PNN: variants seen among roughly 807,000 people sequenced by gnomAD.
The protein encoded by PNN is pinin, desmosome associated protein, also known as pinin.
A neutral mutation model predicts 76.6 loss-of-function variants in PNN; 38 were observed. That is an observed-to-expected ratio of 0.50 (90% CI 0.38 to 0.65). The LOEUF (loss-of-function observed/expected upper bound fraction) is 0.65. Among genes scored for constraint, PNN ranks in the 30% least tolerant of loss-of-function variants. The pLI is 0.00. For synonymous variants in PNN, 366 were observed against 283.7 expected (o/e 1.29, Z -2.91); for missense variants, 873 against 874.1 (o/e 1.00, Z 0.02).
intron 6 of PNN, among the ~76,000 whole-genome samples, 167 bp downstream of exon 6, chr14:39,178,083 A>G (rs1374663982): frequency 6.6e-6 from 1 of 152,118 alleles, no homozygotes; most frequent in African/African-American, 2.4e-5. Flanking sequence ...TTACTTAAAC[A>G]TTGTGTTGGA....
rs1250471030 is a variant in PNN, at chr14:39,181,786, G to A, written c.2077G>A (p.Glu693Lys). The change falls in exon 9 of 9, where the codon GAG (glutamate) becomes AAG (lysine). Residue 693 changes from glutamate (E) to lysine (K), a missense_variant. This residue lies in a region of PNN where 712 missense variants were observed against 693.1 expected (regional missense o/e 1.03). Coordinates refer to ENST00000216832, the MANE Select transcript of PNN (RefSeq NM_002687.4). Reference protein sequence around the residue: ...SRSDRKRSISESSRSGKRSSR... With the variant: ...SRSDRKRSISKSSRSGKRSSR... ...GTCCGACAGAAAGAGGTCTATATCA[G>A]AGAGTAGTCGATCAGGCAAAAGATC... 4.3e-6 allele frequency: 7 copies of A among 1,613,616 alleles called. No homozygotes were observed. The highest frequency in any genetic ancestry group is 5.9e-6 in the Non-Finnish European group (7 of 1,179,912).
intron 5 of PNN, 67 bp from the exon 6 acceptor site, chr14:39,177,774 T>G (rs770063132): frequency 2.3e-5 from 33 of 1,465,450 alleles, no homozygotes; most frequent in Non-Finnish European, 2.8e-5. Context: ...GTAGTATTTC[T>G]TAGAAAATGA....
At position 39,182,060 on chromosome 14, in the gene PNN, T is replaced by C. The variant is rs1380860689; in HGVS notation, c.*197T>C. Reference sequence around the variant, plus strand: ...TTTTGTAAGAGTTATTTATCAAAATTATGTGAGGTTCCAAAATATGTAAAA... The same window carrying C: ...TTTTGTAAGAGTTATTTATCAAAATCATGTGAGGTTCCAAAATATGTAAAA... On this transcript the variant is annotated 3_prime_UTR_variant, in exon 9 of 9. Transcript: ENST00000216832. 6.1e-6 allele frequency: 3 copies of C among 489,930 alleles called. No individual in the cohort carries two copies. The highest frequency in any genetic ancestry group is 6.9e-5 in the East Asian group (2 of 29,190). 30.3% of individuals were successfully genotyped at this position (489,930 alleles called of 1,614,324 possible).
chr14:39,178,733 A>G (rs1322339927), intron 6 of PNN, among the ~76,000 whole-genome samples: 3 of 150,582 alleles, frequency 2.0e-5, no homozygotes, highest in African/African-American at 7.4e-5. Context: ...TGAAAAAAAA[A>G]AAAAAAAAAA....
rs1490167325 is a variant in PNN, at chr14:39,181,111, C to A, written c.1402C>A (p.Pro468Thr). The change falls in exon 9 of 9, where the codon CCC becomes ACC. Residue 468 changes from proline (P) to threonine (T), a missense_variant. Pro to Thr is a conservative substitution (Grantham distance 38). Transcript: ENST00000216832. ...SEEKEEKESE[P>T]QPEPVAQPQP... is the part of the protein sequence containing the mutation. ...GGAAAAAGAAGAAAAAGAATCTGAG[C>A]CCCAACCTGAGCCTGTGGCTCAACC... 1 of 1,613,170 alleles carries A rather than the reference C, an allele frequency of 6.2e-7. No homozygotes were observed. The highest frequency in any genetic ancestry group is 2.2e-5 in the East Asian group (1 of 44,888).
intron 6 of PNN, among the ~76,000 whole-genome samples, 160 bp downstream of exon 6, chr14:39,178,076 C>G (rs939699340): frequency 6.6e-6 from 1 of 151,868 alleles, no homozygotes; most frequent in African/African-American, 2.4e-5. Context: ...AACAGCTTTA[C>G]TTAAACATTG....
Position 39,179,079 on chromosome 14 carries a change from CT to C in PNN, c.499-10del. ...AACACGTAAGTATTAAAGCAGGCTA[CT>C]TAACTTTTAGCAAAAGCGGCGCCAG... On this transcript the variant is annotated splice_polypyrimidine_tract_variant and intron_variant, in intron 6 of 8. Transcript: ENST00000216832. 1.9e-6 allele frequency: 3 copies of C among 1,607,876 alleles called. No individual in the cohort carries two copies. The highest frequency in any genetic ancestry group is 2.5e-6 in the Non-Finnish European group (3 of 1,178,386).
rs779868628 is a variant in PNN, at chr14:39,181,638, T to G, written c.1929T>G (p.Asp643Glu). 4.3e-6 allele frequency: 7 copies of G among 1,613,596 alleles called. No homozygotes were observed. The highest frequency in any genetic ancestry group is 3.3e-5 in the South Asian group (3 of 91,060). ...GTAGGGGCCGGGGACATAATAGAGATAGAAAGCACAGAAGGAGCGTGGATC... is the reference window on the plus strand; with the variant it reads ...GTAGGGGCCGGGGACATAATAGAGAGAGAAAGCACAGAAGGAGCGTGGATC... The part of the protein sequence containing the change: ...SRSRGRGHNR[D>E]RKHRRSVDRK... Residue 643 changes from aspartate to glutamate, a missense_variant, in exon 9 of 9, where the codon GAT becomes GAG. Asp to Glu is a conservative substitution (Grantham distance 45). Around this residue, in one of 3 missense-constraint regions of PNN, gnomAD observed 712 missense variants for 693.1 expected, o/e 1.03. Transcript: ENST00000216832.
At position 39,181,011 on chromosome 14, in the gene PNN, G is replaced by A; in HGVS notation, c.1302G>A (p.Glu434=). 2 of 1,612,906 alleles carry A rather than the reference G, an allele frequency of 1.2e-6. No homozygotes were observed. Among genetic ancestry groups the A allele is most frequent in the Non-Finnish European group, 1.7e-6 (2 of 1,179,214 alleles). Residue 434 remains glutamate (E), a synonymous_variant, in exon 9 of 9, where the codon GAG becomes GAA. Transcript: ENST00000216832. ...AACCAGAAATGGAATTTGAAATTGA[G>A]CCAGATAAAGAATGTAAAACCCTTT... The part of the protein sequence containing the change: ...ELEPEMEFEI[E]PDKECKTLSP...
chr14:39,182,999 T>A lies in PNN; in HGVS notation c.*1136T>A, dbSNP rs936408685. The stretch of plus-strand genomic sequence containing the variant: ...TCTGATGCTTTATACAAGAGAGCAC[T>A]TAAATTGCATCCTTCTTTGAGTTTA... On this transcript the variant is annotated 3_prime_UTR_variant, in exon 9 of 9. Coordinates refer to ENST00000216832, the MANE Select transcript of PNN (RefSeq NM_002687.4). 1 of 152,660 alleles carries A rather than the reference T, an allele frequency of 6.6e-6. No homozygotes were observed. The highest frequency in any genetic ancestry group is 1.5e-5 in the Non-Finnish European group (1 of 68,034). 9.5% of individuals were successfully genotyped at this position (152,660 alleles called of 1,614,324 possible).
rs1477009813 is a variant in PNN, at chr14:39,182,157, C to A, written c.*294C>A. 1.3e-5 allele frequency: 3 copies of A among 224,010 alleles called. No homozygotes were observed. The highest frequency in any genetic ancestry group is 9.4e-5 in the South Asian group (1 of 10,692). 13.9% of individuals were successfully genotyped at this position (224,010 alleles called of 1,614,324 possible). On this transcript the variant is annotated 3_prime_UTR_variant, in exon 9 of 9. Transcript: ENST00000216832. ...ATATCCTATACTCTTCAGTAAGAAT[C>A]TGTATATTTTAATAGGCAAATCTTT... is the stretch of plus-strand genomic sequence containing the variant.
rs975473411 is a variant in PNN at position 39,175,337 on chromosome 14, A to C, written c.58A>C (p.Lys20Gln). 6 of 1,613,004 alleles carry C rather than the reference A, an allele frequency of 3.7e-6. No individual in the cohort carries two copies. The Admixed American group carries it at 8.3e-5, about 22-fold the overall frequency. ...EQLEKAKESL[K>Q]NVDENIRKLT... ...GCTGGAAAAGGCCAAAGAGAGTCTT[A>C]AGAACGTGGATGAGAACATTCGCAA... The change falls in exon 1 of 9, where the codon AAG (lysine) becomes CAG (glutamine). Residue 20 changes from lysine (K) to glutamine (Q), a missense_variant. Lys to Gln is a moderately conservative substitution (Grantham distance 53, BLOSUM62 1). Coordinates refer to ENST00000216832, the MANE Select transcript of PNN (RefSeq NM_002687.4).
rs2053253671 is a variant in PNN, at chr14:39,179,448, A to C, written c.779A>C (p.Gln260Pro). 6.2e-7 allele frequency: 1 copy of C among 1,612,154 alleles called. No individual in the cohort carries two copies. The part of the protein sequence containing the change: ...PATQKLIEES[Q>P]RKMNALFEGR... ...ACCCAAAAACTAATAGAAGAGTCAC[A>C]GAGAAAAATGAACGGTAAGTATGCG... The change falls in exon 8 of 9, where the codon CAG becomes CCG. Residue 260 changes from glutamine to proline, a missense_variant. Physicochemically the swap from Gln to Pro is moderately conservative, Grantham distance 76. Around this residue, in one of 3 missense-constraint regions of PNN, gnomAD observed 712 missense variants for 693.1 expected, o/e 1.03. Coordinates refer to ENST00000216832, the MANE Select transcript of PNN (RefSeq NM_002687.4).
rs2053261547 is a variant in PNN, at chr14:39,180,582, G to T, written c.873G>T (p.Lys291Asn). ...CTAGGCCTAGAAGACAATCAATGAAGGAAAAAGAGCATCAGGTGGTGCGTA... is the reference window on the plus strand; with the variant it reads ...CTAGGCCTAGAAGACAATCAATGAATGAAAAAGAGCATCAGGTGGTGCGTA... ...MEARPRRQSM[K>N]EKEHQVVRNE... Residue 291 changes from lysine (K) to asparagine (N), a missense_variant, in exon 9 of 9, where the codon AAG becomes AAT. This residue lies in a region of PNN where 712 missense variants were observed against 693.1 expected (regional missense o/e 1.03). Coordinates refer to ENST00000216832, the MANE Select transcript of PNN (RefSeq NM_002687.4). 6.2e-7 allele frequency: 1 copy of T among 1,613,970 alleles called. No individual in the cohort carries two copies. Among genetic ancestry groups the T allele is most frequent in the South Asian group, 1.1e-5 (1 of 91,036 alleles).
In PNN at chr14:39,181,596, T is replaced by C. The variant is rs767917425; in HGVS notation, c.1887T>C (p.Ser629=). 9.9e-6 allele frequency: 16 copies of C among 1,613,662 alleles called. No homozygotes were observed. The South Asian group carries it at 1.8e-4, about 18-fold the overall frequency. ...GTAGCAGTAGCACTAGTAGTAGTAG[T>C]GAGAGTAGAAGTCGGAGTAGGGGCC... The part of the protein sequence containing the change: ...RDSSSSTSSS[S]ESRSRSRGRG... Residue 629 remains serine, a synonymous_variant, in exon 9 of 9, where the codon AGT becomes AGC. Coordinates refer to ENST00000216832, the MANE Select transcript of PNN (RefSeq NM_002687.4).
chr14:39,176,802 A>T (rs1436347229), intron 3 of PNN, among the ~76,000 whole-genome samples: 2 of 152,194 alleles, frequency 1.3e-5, no homozygotes, highest in Admixed American at 6.5e-5. Context: ...GATAACCTAA[A>T]TTTTATCCAA....
rs1393417542 is a variant in PNN, at chr14:39,181,976, A to C, written c.*113A>C. The C allele has an allele frequency of 2.7e-6, 3 of 1,113,902 alleles. No homozygotes were observed. Among genetic ancestry groups the C allele is most frequent in the African/African-American group, 3.1e-5 (2 of 63,560 alleles). 69.0% of individuals were successfully genotyped at this position (1,113,902 alleles called of 1,614,324 possible). ...GCCTTAAGAATTGCATGTTGTAAAA[A>C]ATCTTTTTGGAAAATACAGACTGTT... On this transcript the variant is annotated 3_prime_UTR_variant, in exon 9 of 9. Transcript: ENST00000216832.
At chr14:39,175,787 C>T (rs538828023) in intron 1 of PNN, 1 of 480,724 alleles carries the variant, frequency 2.1e-6, no homozygotes, top group African/African-American at 2.0e-5. Context: ...ACCCCAGCTT[C>T]CTGTCCACGT....
rs776836815 is a variant in PNN at position 39,181,529 on chromosome 14, C to A, written c.1820C>A (p.Ser607Tyr). Residue 607 changes from serine to tyrosine, a missense_variant, in exon 9 of 9, where the codon TCC becomes TAC. Transcript: ENST00000216832. Reference protein sequence around the residue: ...SSGSSSSRSSSSSSSSTSGSS... With the variant: ...SSGSSSSRSSYSSSSSTSGSS... ...GGAAGTAGTAGCAGTCGCAGTAGTTCCAGTAGCAGCTCCAGTACAAGTGGC... is the reference window on the plus strand; with the variant it reads ...GGAAGTAGTAGCAGTCGCAGTAGTTACAGTAGCAGCTCCAGTACAAGTGGC... 6.2e-7 allele frequency: 1 copy of A among 1,602,938 alleles called. No individual in the cohort carries two copies. Among genetic ancestry groups the A allele is most frequent in the Non-Finnish European group, 8.5e-7 (1 of 1,174,768 alleles).
Sources: allele counts gnomAD v4.1 joint callset (sites outside exome capture counted in the v4.1 genomes callset), GRCh38; gene constraint gnomAD v4.1.1; regional missense constraint gnomAD v4.1.1; transcripts MANE v1.5; gene names NCBI Gene and HGNC (gene_info 2026-07-23, HGNC 2026-07-21).